Variants in MYO9B observed in about 807,000 individuals in gnomAD.
MYO9B encodes myosin IXB.
MYO9B carries 71 observed loss-of-function variants against 229.5 expected under a neutral mutation model. The observed-to-expected ratio is 0.31, with a 90% CI of 0.26 to 0.38. The LOEUF (loss-of-function observed/expected upper bound fraction) is 0.38. Among genes scored for constraint, MYO9B ranks in the 10% least tolerant of loss-of-function variants. MYO9B has a pLI of 1.00. For synonymous variants in MYO9B, 1,185 were observed against 1,235.8 expected, an observed-to-expected ratio of 0.96 and a Z score of 0.86; for missense variants, 2,255 against 2,920.5, an observed-to-expected ratio of 0.77 and a Z score of 5.25.
intron 2 of MYO9B, among the ~76,000 whole-genome samples, chr19:17,107,124 T>C (rs1052094621): frequency 2.6e-5 from 4 of 151,906 alleles, no homozygotes; most frequent in Admixed American, 6.6e-5. Context: ...TGGTCTCAGC[T>C]CTCAGGAGCT....
chr19:17,169,779 A>C (rs2072700802), intron 11 of MYO9B, among the ~76,000 whole-genome samples: 1 of 125,808 alleles, frequency 7.9e-6, no homozygotes, highest in African/African-American at 3.1e-5. Context: ...TGTCTGCATC[A>C]TTCATCTCAA....
intron 11 of MYO9B, among the ~76,000 whole-genome samples, chr19:17,168,487 GTTCA>G (rs2072685329): frequency 6.6e-6 from 1 of 152,166 alleles, no homozygotes; most frequent in Non-Finnish European, 1.5e-5. Context: ...ACTTGTGTCT[GTTCA>G]TTTCACTTGA....
At chr19:17,209,741 CTT>C (rs2073204689) in intron 36 of MYO9B, 32 bp downstream of exon 36, 2 of 1,598,814 alleles carry the variant, frequency 1.3e-6, no homozygotes, top group African/African-American at 1.3e-5. Context: ...GGCGGGACCT[CTT>C]TGGTGGGGCG....
intron 18 of MYO9B, 45 bp from the exon 19 acceptor site, chr19:17,187,890 G>C (rs1431649771): frequency 6.6e-7 from 1 of 1,514,194 alleles, no homozygotes; most frequent in Non-Finnish European, 9.0e-7. Flanking sequence ...TGGGCATCCT[G>C]TCAGGTCAAG....
At position 17,212,441 on chromosome 19, in the gene MYO9B, G is replaced by C. The variant is rs1473256905; in HGVS notation, c.*131G>C. The C allele has an allele frequency of 3.4e-6, 4 of 1,169,854 alleles. No individual in the cohort carries two copies. Among genetic ancestry groups the C allele is most frequent in the Non-Finnish European group, 4.6e-6 (4 of 878,970 alleles). The allele number at this position is 1,169,854 out of a possible 1,614,324, so 72.5% of individuals were successfully genotyped here. On this transcript the variant is annotated 3_prime_UTR_variant, in exon 40 of 40. Transcript: ENST00000682292. This position sits in a 1 kb window ranked among gnomAD's most constrained non-coding sequence, Gnocchi z 5.4. ...CAAAAGCTCAAGAGTGACGTGAGGT[G>C]GGCACCGGCCCCAAGTGCAGAGTCA...
In MYO9B at chr19:17,150,819, T is replaced by C. The variant is rs192341558; in HGVS notation, c.936-1825T>C. ...GAACATATTTTTCCTCGAAAAAACA[T>C]TCACTGCCACTACTTTTAGCATTGA... On this transcript the variant is annotated intron_variant, in intron 3 of 39. Transcript: ENST00000682292. Among the ~76,000 whole-genome samples the C allele has an allele frequency of 6.4e-5, 9 of 141,364 alleles. 2 individuals are homozygous for C. Among genetic ancestry groups the C allele is most frequent in the Admixed American group, 2.9e-4 (4 of 13,996 alleles). The allele number at this position is 141,364 out of a possible 152,430, so 92.7% of individuals were successfully genotyped here. A position where few individuals can be genotyped will look rare whatever the true frequency, so the allele number is the denominator to read the frequency against.
intron 2 of MYO9B, among the ~76,000 whole-genome samples, chr19:17,102,848 A>G (rs1158199000): frequency 3.3e-5 from 5 of 151,424 alleles, no homozygotes; most frequent in African/African-American, 4.9e-5. Context: ...TCGAGGCTTC[A>G]GTGAGCTATG....
intron 4 of MYO9B, 178 bp downstream of exon 4, chr19:17,152,884 C>T (rs1243986052): frequency 8.3e-6 from 5 of 599,682 alleles, no homozygotes; most frequent in South Asian, 4.0e-5. Context: ...CCCCTGTGGC[C>T]TCACACTTTG....
intron 8 of MYO9B, among the ~76,000 whole-genome samples, chr19:17,160,517 T>TTC (rs1393796052): frequency 3.4e-5 from 5 of 148,668 alleles, no homozygotes; most frequent in Non-Finnish European, 7.4e-5. Flanking sequence ...TTTCTTTTTT[T>TTC]TTTTTTTTTT....
At position 17,212,216 on chromosome 19, in the gene MYO9B, T is replaced by C; in HGVS notation, c.6380T>C (p.Leu2127Pro). The change falls in exon 40 of 40, where the codon CTA (leucine) becomes CCA (proline). Residue 2127 changes from leucine to proline, a missense_variant. Physicochemically the swap from Leu to Pro is moderately conservative, Grantham distance 98. Transcript: ENST00000682292. The surrounding 1 kb of genome is among the most constrained non-coding windows in gnomAD (Gnocchi z 5.4). ...CCAGTGCAGGGCGCCCTGGAGCCCC[T>C]AGAAGAGGATGGCCAGCCACCTGGG... is the stretch of plus-strand genomic sequence containing the variant. ...DLPVQGALEP[L>P]EEDGQPPGAK... The C allele has an allele frequency of 1.9e-6, 3 of 1,583,422 alleles. No homozygotes were observed. The highest frequency in any genetic ancestry group is 2.6e-6 in the Non-Finnish European group (3 of 1,166,410).
chr19:17,186,164 G>C (rs1402904544), intron 18 of MYO9B, among the ~76,000 whole-genome samples, 163 bp downstream of exon 18: 1 of 152,140 alleles, frequency 6.6e-6, no homozygotes, highest in African/African-American at 2.4e-5. Flanking sequence ...GATGGTCCAA[G>C]TGGCCATTTA....
rs2073249064 is a variant in MYO9B, at chr19:17,213,039, G to A, written c.*729G>A. On this transcript the variant is annotated 3_prime_UTR_variant, in exon 40 of 40. Transcript: ENST00000682292. ...ACTCTTCCGGACGCCAAGGGCTGCA[G>A]GAGGCTGCTTTTGGCACTACCCACC... 6.6e-6 allele frequency: 1 copy of A among 152,350 alleles called. No individual in the cohort carries two copies. The highest frequency in any genetic ancestry group is 2.4e-5 in the African/African-American group (1 of 41,478). The allele number at this position is 152,350 out of a possible 1,614,324, so 9.4% of individuals were successfully genotyped here.
chr19:17,116,335 G>A (rs1054485720), intron 2 of MYO9B, among the ~76,000 whole-genome samples: 1 of 152,174 alleles, frequency 6.6e-6, no homozygotes, highest in Non-Finnish European at 1.5e-5. Flanking sequence ...TAGCTGACAG[G>A]GCCTGACCAG....
chr19:17,110,103 G>C (rs1284624100), intron 2 of MYO9B, among the ~76,000 whole-genome samples: 1 of 152,132 alleles, frequency 6.6e-6, no homozygotes, highest in Non-Finnish European at 1.5e-5. Context: ...GCATCGATTG[G>C]GGATTTTTTC....
At chr19:17,076,672 C>G (rs1256988640) in intron 1 of MYO9B, among the ~76,000 whole-genome samples, 1 of 152,046 alleles carries the variant, frequency 6.6e-6, no homozygotes, top group African/African-American at 2.4e-5. Context: ...CCCTCTGTGC[C>G]AGTGTCCTCG....
At chr19:17,124,029 G>A (rs2057991377) in intron 2 of MYO9B, among the ~76,000 whole-genome samples, 1 of 151,974 alleles carries the variant, frequency 6.6e-6, no homozygotes, top group Non-Finnish European at 1.5e-5. Flanking sequence ...AGGATTACAG[G>A]CACTTACCAC....
In MYO9B at chr19:17,180,987, C is replaced by G. The variant is rs199969461; in HGVS notation, c.2280C>G (p.Pro760=). The G allele has an allele frequency of 1.1e-5, 17 of 1,611,450 alleles. No individual in the cohort carries two copies. The African/African-American group carries it at 1.9e-4, about 18-fold the overall frequency. The change falls in exon 15 of 40, where the codon CCC becomes CCG. Residue 760 remains proline, a synonymous_variant. Transcript: ENST00000682292. Reference sequence around the variant, plus strand: ...GATTGCCCTGGCAGGGCGAGGACCCCCGTAGCCTTCTCCAGTCCCTCAGTC... The same window carrying G: ...GATTGCCCTGGCAGGGCGAGGACCCGCGTAGCCTTCTCCAGTCCCTCAGTC... ...IKGLPWQGED[P]RSLLQSLSRL...
Position 17,200,647 on chromosome 19 carries a change from G to T in MYO9B, c.4381G>T (p.Gly1461Ter). The T allele has an allele frequency of 6.2e-7, 1 of 1,612,630 alleles. No individual in the cohort carries two copies. The highest frequency in any genetic ancestry group is 8.5e-7 in the Non-Finnish European group (1 of 1,179,272). The stretch of plus-strand genomic sequence containing the variant: ...TTCCTGTCCCCCCTCAGCCCCCTCC[G>T]GACAGCAGCATCGCCACGCTGCAGG... ...TMKKGLEAPSGQQHRHAAGEK... is the reference protein window; with the variant it reads ...TMKKGLEAPS Residue 1461 changes from glycine (G) to a stop codon, truncating the protein, a stop_gained, in exon 26 of 40, where the codon GGA becomes TGA. Coordinates refer to ENST00000682292, the MANE Select transcript of MYO9B (RefSeq NM_004145.4). LOFTEE classifies it high-confidence loss of function.
chr19:17,184,551 G>A (rs555659948), intron 16 of MYO9B: 12 of 308,260 alleles, frequency 3.9e-5, no homozygotes, highest in African/African-American at 2.5e-4. Context: ...GCTATGCAGA[G>A]GAGAGGGACG....
Sources: allele counts gnomAD v4.1 joint callset (sites outside exome capture counted in the v4.1 genomes callset), GRCh38; gene constraint gnomAD v4.1.1; non-coding constraint Gnocchi (gnomAD v3.1); transcripts MANE v1.5; gene names NCBI Gene and HGNC (gene_info 2026-07-23, HGNC 2026-07-21).